Variants in SNX1 observed in about 807,000 individuals in gnomAD.
SNX1 encodes the protein sorting nexin 1.
Under a neutral mutation model 71.8 loss-of-function variants are expected in SNX1, and 36 were observed. The ratio of observed to expected loss-of-function variants is 0.50; its 90% CI spans 0.38 to 0.66. SNX1 has a LOEUF of 0.66. SNX1 is among the 30% of genes least tolerant of loss of function. The pLI, the probability that SNX1 is intolerant of heterozygous loss-of-function variation, is 0.00. For missense variants in SNX1, 612 were observed against 646.7 expected (o/e 0.95, Z 0.58); for synonymous variants, 254 against 240.7 (o/e 1.06, Z -0.51).
At chr15:64,112,064 A>G (rs751782689) in intron 1 of SNX1, among the ~76,000 whole-genome samples, 1 of 152,234 alleles carries the variant, frequency 6.6e-6, no homozygotes, top group Non-Finnish European at 1.5e-5. Context: ...TTTACTTTTA[A>G]CAGCATTAGA....
chr15:64,136,863 A>G lies in SNX1; in HGVS notation c.1449A>G (p.Lys483=), dbSNP rs138035698. The G allele has an allele frequency of 1.9e-5, 31 of 1,612,594 alleles. No homozygotes were observed. Among genetic ancestry groups the G allele is most frequent in the Non-Finnish European group, 2.5e-5 (30 of 1,178,816 alleles). The change falls in exon 14 of 15, where the codon AAA becomes AAG. Residue 483 remains lysine (K), a splice_region_variant and synonymous_variant. Transcript: ENST00000559844. The part of the protein sequence containing the change: ...VVRKEVIRFE[K]EKSKDFKNHV... ...CAGTGTAGAATCTTGTCTCCTAGAA[A>G]GAGAAATCCAAGGACTTCAAGAACC...
Position 64,127,159 on chromosome 15 carries a change from T to A in SNX1, c.653-15T>A. ...GATGATTTATGGTTATTTTGCTTTT[T>A]AAATTCCATTCTAGGGATGACAAAA... On this transcript the variant is annotated splice_polypyrimidine_tract_variant and intron_variant, in intron 6 of 14. Transcript: ENST00000559844. 1 of 1,593,930 alleles carries A rather than the reference T, an allele frequency of 6.3e-7. No individual in the cohort carries two copies. Among genetic ancestry groups the A allele is most frequent in the Non-Finnish European group, 8.6e-7 (1 of 1,166,080 alleles).
At chr15:64,116,135 T>C (rs2081126494) in intron 2 of SNX1, among the ~76,000 whole-genome samples, 1 of 152,230 alleles carries the variant, frequency 6.6e-6, no homozygotes, top group African/African-American at 2.4e-5. Flanking sequence ...ACATGTATTA[T>C]ATACTGTATT....
chr15:64,099,261 A>G (rs1351413180), intron 1 of SNX1, among the ~76,000 whole-genome samples: 1 of 152,206 alleles, frequency 6.6e-6, no homozygotes, highest in Non-Finnish European at 1.5e-5. Flanking sequence ...AGTGAATAAT[A>G]CTAGTATTTA....
intron 1 of SNX1, among the ~76,000 whole-genome samples, chr15:64,103,608 T>A (rs1162364403): frequency 6.6e-6 from 1 of 152,234 alleles, no homozygotes; most frequent in Non-Finnish European, 1.5e-5. Context: ...AGGCTTGGTA[T>A]TTTTGTTTAT....
intron 4 of SNX1, among the ~76,000 whole-genome samples, chr15:64,120,266 CTTTTTTTT>C (rs35526278): frequency 1.5e-5 from 1 of 67,090 alleles, no homozygotes; most frequent in South Asian, 5.5e-4. Context: ...AAATGGTTGT[CTTTTTTTT>C]TTTTTTTTTT....
At chr15:64,128,713 T>G (rs935198606) in intron 8 of SNX1, among the ~76,000 whole-genome samples, 8 of 152,210 alleles carry the variant, frequency 5.3e-5, no homozygotes, top group African/African-American at 1.4e-4. Flanking sequence ...TTCTGCCTTT[T>G]CACCCTCTCG....
In SNX1 at chr15:64,140,980, A is replaced by AT. The variant is rs1567337073; in HGVS notation, c.*3362_*3363insT. Reference sequence around the variant, plus strand: ...TAGGCTCTCACCATACAGTGCAAAGAGATGATAGATAGATAGATAGATAGA... The same window carrying AT: ...TAGGCTCTCACCATACAGTGCAAAGATGATGATAGATAGATAGATAGATAGA... On this transcript the variant is annotated 3_prime_UTR_variant, in exon 15 of 15. Transcript: ENST00000559844. 1 of 13,814 alleles carries AT rather than the reference A, an allele frequency of 7.2e-5. No individual in the cohort carries two copies. Among genetic ancestry groups the AT allele is most frequent in the Non-Finnish European group, 3.5e-4 (1 of 2,872 alleles). The allele number at this position is 13,814 out of a possible 1,614,324, so 0.9% of individuals were successfully genotyped here. A position where few individuals can be genotyped will look rare whatever the true frequency, so the allele number is the denominator to read the frequency against.
At chr15:64,131,135 T>G (rs891456863) in intron 10 of SNX1, among the ~76,000 whole-genome samples, 1 of 151,990 alleles carries the variant, frequency 6.6e-6, no homozygotes, top group Non-Finnish European at 1.5e-5. Context: ...ATAGAAAAAA[T>G]TAGCCAGGTG....
At chr15:64,107,640 T>C (rs910528929) in intron 1 of SNX1, among the ~76,000 whole-genome samples, 1 of 152,096 alleles carries the variant, frequency 6.6e-6, no homozygotes, top group Non-Finnish European at 1.5e-5. Flanking sequence ...ACAGAAACAG[T>C]TGAACTCTTA....
chr15:64,099,832 C>T (rs1159966543), intron 1 of SNX1, among the ~76,000 whole-genome samples: 1 of 152,196 alleles, frequency 6.6e-6, no homozygotes, highest in African/African-American at 2.4e-5. Flanking sequence ...CTGCCTCAAC[C>T]TCCTGAGTAG....
chr15:64,122,666 GAATC>G (rs1304119334), intron 4 of SNX1, among the ~76,000 whole-genome samples: 1 of 152,100 alleles, frequency 6.6e-6, no homozygotes, highest in Non-Finnish European at 1.5e-5. Flanking sequence ...ATGTGGGAAG[GAATC>G]AAGGGTGGGG....
At chr15:64,136,306 C>T (rs1205396166) in intron 12 of SNX1, 24 bp from the exon 13 acceptor site, 2 of 1,588,994 alleles carry the variant, frequency 1.3e-6, no homozygotes, top group Admixed American at 1.7e-5. Flanking sequence ...ATGAGGTGAT[C>T]CTTTCTTTCC....
intron 2 of SNX1, among the ~76,000 whole-genome samples, chr15:64,113,091 A>G (rs2081093881): frequency 1.3e-5 from 2 of 152,206 alleles, no homozygotes; most frequent in South Asian, 4.1e-4. Context: ...CAAAACAGAA[A>G]CAAAAGTTTT....
chr15:64,126,016 G>A, intron 5 of SNX1, 63 bp from the exon 6 acceptor site: 1 of 1,558,618 alleles, frequency 6.4e-7, no homozygotes, highest in East Asian at 2.2e-5. Flanking sequence ...TCAATAGGAT[G>A]ACTTTCAAGA....
At chr15:64,137,381 A>G (rs912906184) in intron 14 of SNX1, among the ~76,000 whole-genome samples, 187 bp from the exon 15 acceptor site, 2 of 152,248 alleles carry the variant, frequency 1.3e-5, no homozygotes, top group Admixed American at 6.5e-5. Context: ...CTTGGGGCTC[A>G]GTAACTGCTG....
chr15:64,133,070 G>C (rs1940710824), intron 11 of SNX1, among the ~76,000 whole-genome samples: 1 of 152,236 alleles, frequency 6.6e-6, no homozygotes, highest in South Asian at 2.1e-4. Flanking sequence ...GCCTTGCTTA[G>C]AGCTACATGG....
chr15:64,109,042 C>T (rs60880525), intron 1 of SNX1, among the ~76,000 whole-genome samples: 2,481 of 149,790 alleles, frequency 0.017, 77 homozygotes, highest in African/African-American at 0.058. Flanking sequence ...GTACAATATG[C>T]GAGAGAAAGG....
chr15:64,131,150 G>C (rs560760362), intron 10 of SNX1, among the ~76,000 whole-genome samples: 9 of 152,120 alleles, frequency 5.9e-5, no homozygotes, highest in Non-Finnish European at 1.0e-4. Flanking sequence ...CAGGTGTGGT[G>C]GTGGGCATCT....
Sources: gnomAD v4.1 joint callset for allele counts (sites outside exome capture counted in the v4.1 genomes callset) on GRCh38, gnomAD v4.1.1 for gene constraint, MANE v1.5 for transcripts, NCBI Gene and HGNC (gene_info 2026-07-23, HGNC 2026-07-21) for gene names.